The following RIMS2 variants were observed in gnomAD, a reference collection of about 807,000 sequenced individuals.
RIMS2 encodes regulating synaptic membrane exocytosis protein 2.
Under a neutral mutation model 174.4 loss-of-function variants are expected in RIMS2, and 59 were observed. That is an observed-to-expected ratio of 0.34 (90% CI 0.27 to 0.42). RIMS2 has a LOEUF of 0.42. Among genes scored for constraint, RIMS2 ranks in the 10% least tolerant of loss-of-function variants. RIMS2 has a pLI of 1.00. For missense variants in RIMS2, 1,620 were observed against 1,666.3 expected (o/e 0.97, Z 0.48); for synonymous variants, 606 against 572.5 (o/e 1.06, Z -0.84).
chr8:104,089,505 G>A (rs2097596007), intron 19 of RIMS2, among the ~76,000 whole-genome samples: 1 of 151,716 alleles, frequency 6.6e-6, no homozygotes, highest in Non-Finnish European at 1.5e-5. Context: ...TGTTCAAAAT[G>A]TATTCTTCTG....
At chr8:103,537,191 A>T (rs1439188405) in intron 1 of RIMS2, among the ~76,000 whole-genome samples, 1 of 152,224 alleles carries the variant, frequency 6.6e-6, no homozygotes, top group Admixed American at 6.5e-5. Context: ...CATATAAAGC[A>T]CTTGGCTACA....
chr8:104,088,098 T>A (rs1208332761), intron 19 of RIMS2, among the ~76,000 whole-genome samples: 3 of 152,142 alleles, frequency 2.0e-5, no homozygotes, highest in African/African-American at 7.2e-5. Flanking sequence ...GTACATTTTT[T>A]AATTTTTATG....
At chr8:103,551,829 C>T (rs909239425) in intron 1 of RIMS2, among the ~76,000 whole-genome samples, 2 of 152,160 alleles carry the variant, frequency 1.3e-5, no homozygotes, top group Non-Finnish European at 1.5e-5. Flanking sequence ...AGAGCCAAAT[C>T]ATGAGTGAAC....
chr8:103,596,195 CTA>C (rs1456936844), intron 1 of RIMS2, among the ~76,000 whole-genome samples: 2 of 151,870 alleles, frequency 1.3e-5, no homozygotes, highest in Admixed American at 1.3e-4. Context: ...ATTATCAGTG[CTA>C]TATGTTTTAT....
intron 3 of RIMS2, chr8:103,819,194 A>G: frequency 8.6e-7 from 1 of 1,159,716 alleles, no homozygotes; most frequent in Non-Finnish European, 1.1e-6. Flanking sequence ...AAATATGAGT[A>G]GAGTACATGA....
At chr8:103,686,165 G>A (rs944687958) in intron 1 of RIMS2, among the ~76,000 whole-genome samples, 1 of 151,716 alleles carries the variant, frequency 6.6e-6, no homozygotes, top group Non-Finnish European at 1.5e-5. Flanking sequence ...ATTGTTTTTT[G>A]TATATTGATC....
intron 1 of RIMS2, among the ~76,000 whole-genome samples, chr8:103,624,586 A>G (rs1169981448): frequency 2.6e-5 from 4 of 152,214 alleles, no homozygotes; most frequent in Non-Finnish European, 4.4e-5. Context: ...GAAATTCTTG[A>G]GGGAATAATC....
At chr8:103,647,110 C>G (rs967308235) in intron 1 of RIMS2, among the ~76,000 whole-genome samples, 1 of 152,080 alleles carries the variant, frequency 6.6e-6, no homozygotes, top group African/African-American at 2.4e-5. Context: ...TGTCTTCAGT[C>G]CTGTTTATGT....
chr8:104,223,422 CG>C (rs11300039), intron 19 of RIMS2: 115,075 of 1,285,736 alleles, frequency 0.09, 6,301 homozygotes, highest in African/African-American at 0.21. Context: ...CGCCCGCCAC[CG>C]CCTCCATCTC....
chr8:103,884,281 A>T lies in RIMS2; in HGVS notation c.699-1017A>T, dbSNP rs1449443383. On this transcript the variant is annotated intron_variant, in intron 3 of 23. Coordinates refer to ENST00000504942, the Ensembl canonical transcript of RIMS2. ...AACTGTTGAATCTTAGTCATCTTTA[A>T]CTTCAGCTGACTTCACTCTTTCATT... Among the ~76,000 whole-genome samples, 4 of 151,688 alleles carry T rather than the reference A, an allele frequency of 2.6e-5. No individual in the cohort carries two copies. In the East Asian group the frequency reaches 7.8e-4, roughly 30 times the overall value.
intron 2 of RIMS2, among the ~76,000 whole-genome samples, chr8:103,763,303 G>A (rs1452734036): frequency 1.3e-5 from 2 of 152,104 alleles, no homozygotes; most frequent in East Asian, 1.9e-4. Context: ...TGGCGTGGTG[G>A]CACATGCCCA....
chr8:103,825,579 C>T (rs770359885), intron 3 of RIMS2, among the ~76,000 whole-genome samples: 11 of 151,900 alleles, frequency 7.2e-5, no homozygotes, highest in Non-Finnish European at 8.8e-5. Flanking sequence ...CCACTGCTCC[C>T]GGCCTACTCA....
intron 22 of RIMS2, 31 bp from the exon 29 acceptor site, chr8:104,250,993 G>T: frequency 6.3e-7 from 1 of 1,598,786 alleles, no homozygotes. Context: ...ATAGTTTATT[G>T]CTCATTCTCC....
chr8:104,243,812 C>A (rs1457533264), intron 19 of RIMS2, among the ~76,000 whole-genome samples: 1 of 152,184 alleles, frequency 6.6e-6, no homozygotes, highest in African/African-American at 2.4e-5. Context: ...GAGTACAAAT[C>A]ATTTGGACTA....
At chr8:104,215,012 C>A (rs1197623142) in intron 19 of RIMS2, among the ~76,000 whole-genome samples, 1 of 152,186 alleles carries the variant, frequency 6.6e-6, no homozygotes, top group East Asian at 1.9e-4. Flanking sequence ...ACAGACCCCT[C>A]ACTCTTCTCT....
chr8:103,601,682 T>A (rs2094751042), intron 1 of RIMS2, among the ~76,000 whole-genome samples: 1 of 152,152 alleles, frequency 6.6e-6, no homozygotes, highest in East Asian at 1.9e-4. Context: ...TGATGAGGAC[T>A]TACTCCTGAA....
chr8:103,685,867 G>A (rs1432678633), intron 1 of RIMS2, among the ~76,000 whole-genome samples: 1 of 152,058 alleles, frequency 6.6e-6, no homozygotes, highest in African/African-American at 2.4e-5. Flanking sequence ...TTAAAAAAAT[G>A]CTGGGAGTTT....
At chr8:104,223,443 A>G in intron 19 of RIMS2, 1 of 1,364,858 alleles carries the variant, frequency 7.3e-7, no homozygotes, top group South Asian at 1.8e-5. Flanking sequence ...CCTCCTCTGG[A>G]CCCCTCTCCA....
At chr8:103,733,999 C>A (rs990025015) in intron 2 of RIMS2, among the ~76,000 whole-genome samples, 1 of 145,038 alleles carries the variant, frequency 6.9e-6, no homozygotes, top group Admixed American at 6.9e-5. Flanking sequence ...CTTGCTTTAC[C>A]TCTCCTAAAA....
Sources: allele counts gnomAD v4.1 joint callset (sites outside exome capture counted in the v4.1 genomes callset), GRCh38; gene constraint gnomAD v4.1.1; transcripts MANE v1.5; gene names NCBI Gene and HGNC (gene_info 2026-07-23, HGNC 2026-07-21).